The following PRKN variants were observed in gnomAD, a reference collection of about 807,000 sequenced individuals.
PRKN encodes the protein E3 ubiquitin-protein ligase parkin.
A neutral mutation model predicts 59.5 loss-of-function variants in PRKN; 56 were observed. The observed-to-expected ratio is 0.94, with a 90% confidence interval of 0.76 to 1.18. The LOEUF is 1.18. PRKN is among the 50% of genes most tolerant of loss of function. The pLI is 0.00. For synonymous variants in PRKN, 250 were observed against 222.1 expected, an observed-to-expected ratio of 1.13 and a Z score of -1.12; for missense variants, 657 against 596.4, an observed-to-expected ratio of 1.10 and a Z score of -1.06.
At position 162,383,806 on chromosome 6, in the gene PRKN, C is replaced by T. The variant is rs77789493; in HGVS notation, c.171+59504G>A. On this transcript the variant is annotated intron_variant, in intron 2 of 11. Coordinates refer to ENST00000366898, the MANE Select transcript of PRKN (RefSeq NM_004562.3). ...TGTTGTTTACTGTTGTCACCTTCAT[C>T]GATGATCATAACCAGAACTTCTGGG... Among the ~76,000 whole-genome samples the T allele has an allele frequency of 6.8e-3, 1,041 of 152,302 alleles. 16 individuals are homozygous for T. The highest frequency in any genetic ancestry group is 0.021 in the African/African-American group (862 of 41,572).
At chr6:161,493,213 A>T (rs1169262149) in intron 9 of PRKN, among the ~76,000 whole-genome samples, 2 of 152,244 alleles carry the variant, frequency 1.3e-5, no homozygotes, top group African/African-American at 4.8e-5. Flanking sequence ...TGTCTGGCAC[A>T]CATGTAATAA....
intron 6 of PRKN, among the ~76,000 whole-genome samples, chr6:161,950,436 T>C (rs1326436273): frequency 2.0e-5 from 3 of 151,990 alleles, no homozygotes; most frequent in African/African-American, 7.2e-5. Flanking sequence ...CCCAGCTACT[T>C]GGGAGGCTGA....
At chr6:161,782,056 T>A (rs1272092029) in intron 7 of PRKN, among the ~76,000 whole-genome samples, 3 of 152,154 alleles carry the variant, frequency 2.0e-5, no homozygotes, top group African/African-American at 7.2e-5. Flanking sequence ...GTAACCCCTC[T>A]TCTAGGGAGC....
chr6:161,368,861 T>C (rs1785329478), intron 10 of PRKN, among the ~76,000 whole-genome samples: 1 of 152,150 alleles, frequency 6.6e-6, no homozygotes, highest in Non-Finnish European at 1.5e-5. Context: ...TCTCCAACTG[T>C]CCCACTGCAC....
intron 4 of PRKN, among the ~76,000 whole-genome samples, chr6:162,173,547 T>G (rs1471555165): frequency 1.3e-5 from 2 of 151,932 alleles, no homozygotes; most frequent in Non-Finnish European, 2.9e-5. Context: ...TTTTTTTTTT[T>G]TTTAAATTAA....
intron 1 of PRKN, among the ~76,000 whole-genome samples, chr6:162,670,543 T>A (rs1432299818): frequency 6.6e-6 from 1 of 152,202 alleles, no homozygotes; most frequent in Non-Finnish European, 1.5e-5. Context: ...CTGGCGCTAC[T>A]GATTGTATTG....
At chr6:162,080,140 T>C (rs1192906259) in intron 4 of PRKN, among the ~76,000 whole-genome samples, 2 of 152,084 alleles carry the variant, frequency 1.3e-5, no homozygotes, top group Non-Finnish European at 2.9e-5. Context: ...TAGAACCCGG[T>C]GAATCGAGAT....
rs1484015358 is a variant in PRKN at position 162,036,185 on chromosome 6, G to A, written c.618+17906C>T. Among the ~76,000 whole-genome samples, 7 of 151,546 alleles carry A rather than the reference G, an allele frequency of 4.6e-5. No homozygotes were observed. In the East Asian group the frequency reaches 6.0e-4, roughly 13 times the overall value. ...TAAATATACAAAAAATTAGCCGGGC[G>A]TGGTGGCGGGCGCCTGTAGTCCCAG... is the stretch of plus-strand genomic sequence containing the variant. On this transcript the variant is annotated intron_variant, in intron 5 of 11. Coordinates refer to ENST00000366898, the MANE Select transcript of PRKN (RefSeq NM_004562.3).
In PRKN at chr6:161,378,601, G is replaced by A. The variant is rs540228852; in HGVS notation, c.1167+8193C>T. On this transcript the variant is annotated intron_variant, in intron 10 of 11. Coordinates refer to ENST00000366898, the MANE Select transcript of PRKN (RefSeq NM_004562.3). The surrounding 1 kb of genome is among the most constrained non-coding windows in gnomAD (Gnocchi z 7.3). Reference sequence around the variant, plus strand: ...CAGCCAGCACTAGCATCTGCAGGCTGCCGGCACCCTGCATGGCACTGCATT... The same window carrying A: ...CAGCCAGCACTAGCATCTGCAGGCTACCGGCACCCTGCATGGCACTGCATT... 2.0e-5 allele frequency among the ~76,000 whole-genome samples: 3 copies of A among 152,324 alleles called. No individual in the cohort carries two copies. In the East Asian group the frequency reaches 5.8e-4, roughly 29 times the overall value.
intron 7 of PRKN, among the ~76,000 whole-genome samples, chr6:161,666,632 T>G (rs2128167334): frequency 6.6e-6 from 1 of 152,354 alleles, no homozygotes; most frequent in Non-Finnish European, 1.5e-5. Context: ...AAGGCAAATT[T>G]ACTACAAAAT....
chr6:161,415,453 C>T (rs1263478917), intron 9 of PRKN, among the ~76,000 whole-genome samples: 1 of 152,112 alleles, frequency 6.6e-6, no homozygotes, highest in Admixed American at 6.5e-5. Flanking sequence ...GTGCCGAACC[C>T]TTTACGTGAG....
chr6:161,782,648 C>T (rs2128205989), intron 7 of PRKN, among the ~76,000 whole-genome samples: 1 of 152,110 alleles, frequency 6.6e-6, no homozygotes, highest in South Asian at 2.1e-4. Flanking sequence ...AATCCCAGCA[C>T]CTTGGGAGGC....
At chr6:162,255,240 G>C (rs970557442) in intron 3 of PRKN, among the ~76,000 whole-genome samples, 4 of 152,058 alleles carry the variant, frequency 2.6e-5, no homozygotes, top group Non-Finnish European at 5.9e-5. Flanking sequence ...TGTAAACCTA[G>C]GTAGTATTTT....
chr6:161,418,436 G>A (rs186630046), intron 9 of PRKN, among the ~76,000 whole-genome samples: 45 of 152,322 alleles, frequency 3.0e-4, no homozygotes, highest in Admixed American at 2.5e-3. Context: ...CGGCCTTGAC[G>A]TGGTTTGATT....
At chr6:162,410,867 G>A (rs1788321918) in intron 2 of PRKN, among the ~76,000 whole-genome samples, 1 of 152,174 alleles carries the variant, frequency 6.6e-6, no homozygotes, top group Non-Finnish European at 1.5e-5. Context: ...TCATGAGGAT[G>A]AGGACTGTGA....
intron 4 of PRKN, among the ~76,000 whole-genome samples, chr6:162,106,259 T>TG (rs1780189417): frequency 1.3e-5 from 2 of 152,132 alleles, no homozygotes; most frequent in South Asian, 4.2e-4. Flanking sequence ...GTTTTCAAGG[T>TG]GGGGGGTGAA....
intron 9 of PRKN, among the ~76,000 whole-genome samples, chr6:161,449,989 C>T (rs1465090276): frequency 6.6e-6 from 1 of 152,204 alleles, no homozygotes; most frequent in East Asian, 1.9e-4. Flanking sequence ...ATTCTCCCTA[C>T]AGCTGCCTCA....
chr6:161,537,741 G>A (rs571098329), intron 9 of PRKN, among the ~76,000 whole-genome samples: 17 of 152,282 alleles, frequency 1.1e-4, no homozygotes, highest in East Asian at 9.7e-4. Flanking sequence ...GTGAGCCACT[G>A]CGCCCGGCCT....
chr6:162,247,669 T>TCA (rs1246928619), intron 3 of PRKN, among the ~76,000 whole-genome samples: 4 of 152,146 alleles, frequency 2.6e-5, no homozygotes, highest in Non-Finnish European at 4.4e-5. Flanking sequence ...ATACTATTTT[T>TCA]CCCTTTTGTG....
Sources: gnomAD v4.1 joint callset for allele counts (sites outside exome capture counted in the v4.1 genomes callset) on GRCh38, gnomAD v4.1.1 for gene constraint, Gnocchi (gnomAD v3.1) non-coding constraint, MANE v1.5 for transcripts, NCBI Gene and HGNC (gene_info 2026-07-23, HGNC 2026-07-21) for gene names.